SIPA1L3: variants seen among roughly 807,000 people sequenced by gnomAD.
SIPA1L3 encodes signal-induced proliferation-associated 1-like protein 3.
SIPA1L3 carries 59 observed loss-of-function variants against 150.1 expected under a neutral mutation model. The observed-to-expected ratio is 0.39, with a 90% confidence interval of 0.32 to 0.49. SIPA1L3 has a LOEUF of 0.49. Among genes scored for constraint, SIPA1L3 ranks in the 20% least tolerant of loss-of-function variants. The probability of loss-of-function intolerance (pLI) is 0.86; values close to 1 mark genes in which losing one functional copy is unlikely to be tolerated. For missense variants in SIPA1L3, 2,211 were observed against 2,489.5 expected (o/e 0.89, Z 2.38); for synonymous variants, 1,070 against 1,077.6 (o/e 0.99, Z 0.14).
chr19:38,091,827 G>GC (rs1053024151), intron 4 of SIPA1L3, among the ~76,000 whole-genome samples: 1 of 152,078 alleles, frequency 6.6e-6, no homozygotes, highest in Non-Finnish European at 1.5e-5. Context: ...GGAGGCTGAG[G>GC]CGGGTGGATC....
Position 38,101,259 on chromosome 19 carries a change from C to T in SIPA1L3, c.2029+33C>T, listed in dbSNP as rs376781243. 3.4e-5 allele frequency: 49 copies of T among 1,429,724 alleles called. No individual in the cohort carries two copies. The African/African-American group carries it at 3.7e-4, about 11-fold the overall frequency. The allele number at this position is 1,429,724 out of a possible 1,614,324, so 88.6% of individuals were successfully genotyped here. On this transcript the variant is annotated intron_variant, in intron 6 of 21. Coordinates refer to ENST00000222345, the MANE Select transcript of SIPA1L3 (RefSeq NM_015073.3). ...GGGGGCCGGTTAGATCACAGTGAGC[C>T]ACCACTGCACTCCTACTCAACAGGC...
intron 15 of SIPA1L3, among the ~76,000 whole-genome samples, chr19:38,166,086 T>C (rs1165835255): frequency 2.0e-5 from 3 of 151,994 alleles, no homozygotes; most frequent in African/African-American, 7.3e-5. Flanking sequence ...AAGTTCTCAG[T>C]AAATGCTGAT....
intron 5 of SIPA1L3, 109 bp from the exon 6 acceptor site, chr19:38,100,943 A>G: frequency 7.8e-7 from 1 of 1,281,008 alleles, no homozygotes; most frequent in South Asian, 2.1e-5. Flanking sequence ...TGGGTTCCCG[A>G]GTGGTCCCAG....
At chr19:37,968,556 GA>G (rs1487530522) in intron 1 of SIPA1L3, among the ~76,000 whole-genome samples, 1 of 152,098 alleles carries the variant, frequency 6.6e-6, no homozygotes, top group Non-Finnish European at 1.5e-5. Flanking sequence ...TCAGGTAAAA[GA>G]AAACCAAACC....
intron 1 of SIPA1L3, among the ~76,000 whole-genome samples, chr19:38,007,827 C>T (rs1372445454): frequency 6.6e-6 from 1 of 152,088 alleles, no homozygotes; most frequent in East Asian, 1.9e-4. Flanking sequence ...GAGCGGCCTT[C>T]CTCAGCACCC....
chr19:38,161,197 C>G (rs1486335592), intron 13 of SIPA1L3, among the ~76,000 whole-genome samples: 1 of 148,270 alleles, frequency 6.7e-6, no homozygotes, highest in Non-Finnish European at 1.5e-5. Context: ...CAAAAATTAG[C>G]CGGGCGTGGT....
intron 4 of SIPA1L3, among the ~76,000 whole-genome samples, chr19:38,092,517 C>G (rs1457548009): frequency 1.3e-5 from 2 of 152,192 alleles, no homozygotes; most frequent in African/African-American, 4.8e-5. Context: ...TGTACCTGCT[C>G]CCGTCCACTT....
chr19:38,094,676 T>A (rs967107741), intron 4 of SIPA1L3, among the ~76,000 whole-genome samples: 1 of 152,182 alleles, frequency 6.6e-6, no homozygotes, highest in Non-Finnish European at 1.5e-5. Flanking sequence ...CTCACACCTG[T>A]AATCCCAGCA....
intron 1 of SIPA1L3, among the ~76,000 whole-genome samples, chr19:37,947,264 C>CGGATCACAAGGTCAGGA (rs1251972287): frequency 6.6e-6 from 1 of 151,580 alleles, no homozygotes; most frequent in Non-Finnish European, 1.5e-5. Flanking sequence ...CCGAGGCGGG[C>CGGATCACAAGGTCAGGA]GGATCACAAG....
intron 1 of SIPA1L3, among the ~76,000 whole-genome samples, chr19:37,951,819 C>T (rs978695028): frequency 1.4e-5 from 2 of 144,850 alleles, no homozygotes; most frequent in African/African-American, 5.2e-5. Context: ...ATCACTTGAA[C>T]CCAGGAGGCG....
Position 38,101,153 on chromosome 19 carries a change from G to T in SIPA1L3, c.1956G>T (p.Glu652Asp). 2 of 1,611,266 alleles carry T rather than the reference G, an allele frequency of 1.2e-6. No homozygotes were observed. The highest frequency in any genetic ancestry group is 1.7e-6 in the Non-Finnish European group (2 of 1,179,034). The part of the protein sequence containing the change: ...NNEEAGPAFE[E>D]FLSLIGEKVC... ...AGGAGGCCGGCCCCGCCTTTGAGGA[G>T]TTCCTCTCCCTCATCGGCGAGAAGG... The change falls in exon 6 of 22, where the codon GAG (glutamate) becomes GAT (aspartate). Residue 652 changes from glutamate (E) to aspartate (D), a missense_variant. Coordinates refer to ENST00000222345, the MANE Select transcript of SIPA1L3 (RefSeq NM_015073.3).
chr19:38,157,369 G>A (rs914497970), intron 13 of SIPA1L3, among the ~76,000 whole-genome samples: 1 of 152,152 alleles, frequency 6.6e-6, no homozygotes, highest in East Asian at 1.9e-4. Context: ...GACTGCCCCC[G>A]GTTAGAGAGG....
rs374243124 is a variant in SIPA1L3, at chr19:38,152,615, CAGCTCCCTGGCAGGCTTCCCAG to C, written c.3534-224_3534-203del. 2.3e-3 allele frequency among the ~76,000 whole-genome samples: 358 copies of C among 152,352 alleles called. 1 individual carries two copies. The highest frequency in any genetic ancestry group is 8.2e-3 in the African/African-American group (339 of 41,590). On this transcript the variant is annotated intron_variant, in intron 12 of 21. Coordinates refer to ENST00000222345, the MANE Select transcript of SIPA1L3 (RefSeq NM_015073.3). ...GGAACCCGCCTTGCCCCGCCGCCAC[CAGCTCCCTGGCAGGCTTCCCAG>C]GCGAGACTCTCATCCCGGACCCGCA...
chr19:38,120,488 AAAG>A (rs751527891), intron 9 of SIPA1L3, among the ~76,000 whole-genome samples: 3 of 152,218 alleles, frequency 2.0e-5, no homozygotes, highest in Non-Finnish European at 2.9e-5. Context: ...AAACAAAAAA[AAAG>A]AAGTGTAAGA....
chr19:38,092,764 A>G (rs1419701190), intron 4 of SIPA1L3, among the ~76,000 whole-genome samples: 1 of 151,832 alleles, frequency 6.6e-6, no homozygotes, highest in Middle Eastern at 3.2e-3. Flanking sequence ...GACGCAGAAC[A>G]CCTTAGCAAA....
At chr19:38,029,211 TA>T (rs1484516999) in intron 2 of SIPA1L3, 55 bp downstream of exon 2, 3 of 152,148 alleles carry the variant, frequency 2.0e-5, no homozygotes, top group Admixed American at 6.5e-5. Context: ...ATACACATAT[TA>T]TTTTTTTTAA....
At chr19:38,023,571 TG>T (rs1179479583) in intron 1 of SIPA1L3, among the ~76,000 whole-genome samples, 1 of 152,122 alleles carries the variant, frequency 6.6e-6, no homozygotes, top group African/African-American at 2.4e-5. Flanking sequence ...TGGACAGGGA[TG>T]GGTATAATGG....
chr19:38,093,620 C>G (rs926943369), intron 4 of SIPA1L3, among the ~76,000 whole-genome samples: 2 of 152,118 alleles, frequency 1.3e-5, no homozygotes, highest in African/African-American at 4.8e-5. Context: ...CTGTCCTTCT[C>G]ATATCCACAC....
chr19:38,092,198 A>G (rs929518579), intron 4 of SIPA1L3, among the ~76,000 whole-genome samples: 1 of 152,150 alleles, frequency 6.6e-6, no homozygotes, highest in Non-Finnish European at 1.5e-5. Flanking sequence ...CCTAGGCACC[A>G]TAGTGATACC....
Sources: gnomAD v4.1 joint callset for allele counts (sites outside exome capture counted in the v4.1 genomes callset) on GRCh38, gnomAD v4.1.1 for gene constraint, MANE v1.5 for transcripts, NCBI Gene and HGNC (gene_info 2026-07-23, HGNC 2026-07-21) for gene names.